The following GPKOW variants were observed in gnomAD, a reference collection of about 807,000 sequenced individuals.
GPKOW encodes G-patch domain and KOW motifs.
For missense variants in GPKOW, 359 were observed against 404.7 expected (o/e 0.89, Z 0.97); for synonymous variants, 167 against 159.1 (o/e 1.05, Z -0.37).
In GPKOW at chrX:49,115,772, G is replaced by T. The variant is rs1557090136; in HGVS notation, c.1164C>A (p.Ser388Arg). ...NTKMIIEDVL[S>R]PDTCVCRTDE... ...CTGTCCGACATACACAGGTATCTGG[G>T]CTTAGGACATCTTCAATTATCATCT... is the stretch of plus-strand genomic sequence containing the variant. The change falls in exon 9 of 11, where the codon AGC becomes AGA. Residue 388 changes from serine to arginine, a missense_variant. By Grantham distance (110) the Ser-to-Arg change is moderately radical. Coordinates refer to ENST00000156109, the MANE Select transcript of GPKOW (RefSeq NM_015698.6). 3 of 1,207,911 alleles carry T rather than the reference G, an allele frequency of 2.5e-6. No homozygotes were observed. The South Asian group carries it at 5.3e-5, about 21-fold the overall frequency.
intron 1 of GPKOW, 119 bp downstream of exon 1, chrX:49,123,428 A>C: frequency 2.7e-6 from 2 of 751,733 alleles, no homozygotes; most frequent in South Asian, 3.1e-5. Context: ...CCACGAATTT[A>C]CTCAGGCTGT....
In GPKOW at chrX:49,116,268, G is replaced by A. The variant is rs1410152339; in HGVS notation, c.969C>T (p.Tyr323=). 3.3e-6 allele frequency: 4 copies of A among 1,205,407 alleles called. No individual in the cohort carries two copies. Among genetic ancestry groups the A allele is most frequent in the East Asian group, 5.9e-5 (2 of 33,746 alleles). The part of the protein sequence containing the change: ...SRKTLWNQEL[Y]IQQDNSERKR... The stretch of plus-strand genomic sequence containing the variant: ...TCCTCTCTGAGTTGTCCTGCTGGAT[G>A]TAGAGTTCTTGATTCCAGAGGGTCT... The change falls in exon 7 of 11, where the codon TAC becomes TAT. Residue 323 remains tyrosine (Y), a synonymous_variant. Coordinates refer to ENST00000156109, the MANE Select transcript of GPKOW (RefSeq NM_015698.6).
In GPKOW at chrX:49,119,827, G is replaced by A; in HGVS notation, c.457-13C>T. ...CCTCCTCTGGCACCTACAGGTTCAG[G>A]TAGAGGAAGGAGGGTCAGGCTTTGC... On this transcript the variant is annotated splice_polypyrimidine_tract_variant and intron_variant, in intron 3 of 10. Transcript: ENST00000156109. 1.9e-6 allele frequency: 2 copies of A among 1,028,387 alleles called. No homozygotes were observed. The highest frequency in any genetic ancestry group is 2.0e-5 in the South Asian group (1 of 50,129). The allele number at this position is 1,028,387 out of a possible 1,213,427, so 84.8% of individuals were successfully genotyped here.
At position 49,113,690 on chromosome X, in the gene GPKOW, A is replaced by G; in HGVS notation, c.1362T>C (p.Asn454=). The G allele has an allele frequency of 8.3e-7, 1 of 1,208,810 alleles. No individual in the cohort carries two copies. Among genetic ancestry groups the G allele is most frequent in the Non-Finnish European group, 1.1e-6 (1 of 893,946 alleles). ...CATCGTAGTGAAGCTCCACCACCTG[A>G]TTTTCTCTTGGCAGTTGCACCAAAG... The part of the protein sequence containing the change: ...SRALVQLPRE[N]QVVELHYDAI... The change falls in exon 11 of 11, where the codon AAT becomes AAC. Residue 454 remains asparagine (N), a synonymous_variant. Coordinates refer to ENST00000156109, the MANE Select transcript of GPKOW (RefSeq NM_015698.6).
rs782004226 is a variant in GPKOW at position 49,113,664 on chromosome X, G to A, written c.1388C>T (p.Ala463Val). 1.7e-6 allele frequency: 2 copies of A among 1,209,463 alleles called. No homozygotes were observed. Among genetic ancestry groups the A allele is most frequent in the East Asian group, 3.0e-5 (1 of 33,823 alleles). The change falls in exon 11 of 11, where the codon GCC becomes GTC. Residue 463 changes from alanine (A) to valine (V), a missense_variant. Transcript: ENST00000156109. ...ACTAGGGCCCATGTACTGGCAGATGGCATCGTAGTGAAGCTCCACCACCTG... is the reference window on the plus strand; with the variant it reads ...ACTAGGGCCCATGTACTGGCAGATGACATCGTAGTGAAGCTCCACCACCTG... Reference protein sequence around the residue: ...ENQVVELHYDAICQYMGPSDT... With the variant: ...ENQVVELHYDVICQYMGPSDT...
intron 1 of GPKOW, among the ~76,000 whole-genome samples, chrX:49,123,169 G>A (rs1393542141): frequency 9.0e-6 from 1 of 110,639 alleles, no homozygotes; most frequent in African/African-American, 3.3e-5. Context: ...TTAAGCTGAT[G>A]GTGGCCTCCA....
intron 9 of GPKOW, among the ~76,000 whole-genome samples, chrX:49,115,511 AAAAAAAAAAAG>A (rs1405532132): frequency 1.2e-4 from 10 of 83,556 alleles, no homozygotes; most frequent in East Asian, 4.1e-4. Context: ...TGTCTCAAAA[AAAAAAAAAAAG>A]AAAAAAAAGA....
intron 8 of GPKOW, 35 bp from the exon 9 acceptor site, chrX:49,115,830 G>T (rs1390593577): frequency 1.6e-5 from 19 of 1,193,653 alleles, no homozygotes; most frequent in Non-Finnish European, 2.2e-5. Flanking sequence ...TGAGATTTTA[G>T]AGAGGTAGGG....
At chrX:49,117,290 T>C in intron 5 of GPKOW, 128 bp from the exon 6 acceptor site, 1 of 687,274 alleles carries the variant, frequency 1.5e-6, no homozygotes, top group African/African-American at 2.1e-5. Flanking sequence ...CTCTGACCCC[T>C]GAGAAGTGGG....
Position 49,116,057 on chromosome X carries a change from T to C in GPKOW, c.1017-43A>G, listed in dbSNP as rs374877506. 120 of 1,204,001 alleles carry C rather than the reference T, an allele frequency of 1.0e-4. 1 individual carries two copies. The South Asian group carries it at 1.8e-3, about 18-fold the overall frequency. On this transcript the variant is annotated intron_variant, in intron 7 of 10. Coordinates refer to ENST00000156109, the MANE Select transcript of GPKOW (RefSeq NM_015698.6). ...GCACCAGGCTTAGCTCTTCATCAGA[T>C]GCACTTTCCAGTTGCCCTCCCTTTG...
At chrX:49,113,787 C>G in intron 10 of GPKOW, 32 bp from the exon 11 acceptor site, 1 of 1,208,470 alleles carries the variant, frequency 8.3e-7, no homozygotes. Flanking sequence ...ATCAGCAAGG[C>G]AAGCCTAGAC....
rs142444196 is a variant in GPKOW at position 49,122,425 on chromosome X, C to G, written c.429G>C (p.Gly143=). Residue 143 remains glycine, a synonymous_variant, in exon 3 of 11, where the codon GGG becomes GGC. Coordinates refer to ENST00000156109, the MANE Select transcript of GPKOW (RefSeq NM_015698.6). ...IQKGCTPSGE[G]ADSEPRAETV... ...TCTCTGCCCGGGGTTCGCTGTCTGC[C>G]CCTTCCCCGCTGGGGGTGCATCCTT... 7.1e-4 allele frequency: 836 copies of G among 1,177,469 alleles called. 1 individual carries two copies. The African/African-American group carries it at 0.013, about 19-fold the overall frequency.
chrX:49,121,027 T>C (rs191451120), intron 3 of GPKOW, among the ~76,000 whole-genome samples: 7 of 111,710 alleles, frequency 6.3e-5, no homozygotes, highest in African/African-American at 2.0e-4. Context: ...ACCTGATATG[T>C]AGAAAGCTGC....
chrX:49,119,753 C>T lies in GPKOW; in HGVS notation c.518G>A (p.Arg173Gln), dbSNP rs145923341. Residue 173 changes from arginine (R) to glutamine (Q), a missense_variant, in exon 4 of 11, where the codon CGG becomes CAG. Physicochemically the swap from Arg to Gln is conservative, Grantham distance 43 (BLOSUM62 1). Coordinates refer to ENST00000156109, the MANE Select transcript of GPKOW (RefSeq NM_015698.6). ...PVEAYGLAMLRGMGWKPGEGI... is the reference protein window; with the variant it reads ...PVEAYGLAMLQGMGWKPGEGI... ...CTCGCCAGGTTTCCAGCCCATGCCC[C>T]GCAGCATGGCCAGCCCATAGGCCTC... 4.8e-5 allele frequency: 58 copies of T among 1,204,039 alleles called. No individual in the cohort carries two copies. The highest frequency in any genetic ancestry group is 6.0e-5 in the Non-Finnish European group (53 of 890,229).
intron 6 of GPKOW, 98 bp downstream of exon 6, chrX:49,116,932 C>T: frequency 4.3e-6 from 3 of 699,612 alleles, no homozygotes; most frequent in Non-Finnish European, 6.6e-6. Flanking sequence ...CACTGCTGCC[C>T]CTCCCTGCTG....
In GPKOW at chrX:49,113,650, T is replaced by G; in HGVS notation, c.1402A>C (p.Met468Leu). 8.3e-7 allele frequency: 1 copy of G among 1,210,147 alleles called. No homozygotes were observed. Among genetic ancestry groups the G allele is most frequent in the Non-Finnish European group, 1.1e-6 (1 of 894,285 alleles). The change falls in exon 11 of 11, where the codon ATG (methionine) becomes CTG (leucine). Residue 468 changes from methionine to leucine, a missense_variant. Transcript: ENST00000156109. ...TCATCATCTGTGTCACTAGGGCCCATGTACTGGCAGATGGCATCGTAGTGA... is the reference window on the plus strand; with the variant it reads ...TCATCATCTGTGTCACTAGGGCCCAGGTACTGGCAGATGGCATCGTAGTGA... The part of the protein sequence containing the change: ...ELHYDAICQY[M>L]GPSDTDDD
intron 1 of GPKOW, 135 bp downstream of exon 1, chrX:49,123,412 T>C: frequency 1.5e-6 from 1 of 658,675 alleles, no homozygotes; most frequent in Non-Finnish European, 2.2e-6. Context: ...TCCCGCCTTC[T>C]GGCCTCCACG....
In GPKOW at chrX:49,122,675, G is replaced by A; in HGVS notation, c.278C>T (p.Thr93Ile). ...CACCACCCCATCCGCCAAGGCCCCA[G>A]TATCTGTGGATGGCCCAGGGGGCCG... ...PARPPGPSTDTGALADGVVSQ... is the reference protein window; with the variant it reads ...PARPPGPSTDIGALADGVVSQ... Residue 93 changes from threonine to isoleucine, a missense_variant, in exon 2 of 11, where the codon ACT (threonine) becomes ATT (isoleucine). Thr to Ile is a moderately conservative substitution (Grantham distance 89). Transcript: ENST00000156109. The A allele has an allele frequency of 1.7e-6, 2 of 1,211,308 alleles. No individual in the cohort carries two copies. Among genetic ancestry groups the A allele is most frequent in the Non-Finnish European group, 2.2e-6 (2 of 894,805 alleles).
At chrX:49,121,360 G>A (rs1775385414) in intron 3 of GPKOW, among the ~76,000 whole-genome samples, 1 of 109,105 alleles carries the variant, frequency 9.2e-6, no homozygotes, top group Admixed American at 9.9e-5. Flanking sequence ...CCCAGGACCG[G>A]GAGGTTGCAG....
Sources: gnomAD v4.1 joint callset for allele counts (sites outside exome capture counted in the v4.1 genomes callset) on GRCh38, gnomAD v4.1.1 for gene constraint, MANE v1.5 for transcripts, NCBI Gene and HGNC (gene_info 2026-07-23, HGNC 2026-07-21) for gene names.